TTC39B: variants seen among roughly 807,000 people sequenced by gnomAD.
The protein encoded by TTC39B is tetratricopeptide repeat domain 39B.
In TTC39B, 92 loss-of-function variants were observed where a neutral mutation model predicts 96.6. The ratio of observed to expected loss-of-function variants is 0.95; its 90% CI spans 0.80 to 1.13. The LOEUF (loss-of-function observed/expected upper bound fraction) is 1.13, where lower values mean the gene tolerates loss of function less well. Ranked by LOEUF, TTC39B falls within the 50% of genes most tolerant of loss-of-function variation. TTC39B has a pLI of 0.00. For missense variants in TTC39B, 955 were observed against 809.3 expected (o/e 1.18, Z -2.18); for synonymous variants, 367 against 299.4 (o/e 1.23, Z -2.33).
At chr9:15,214,091 CA>C in intron 4 of TTC39B, 47 bp downstream of exon 4, 1 of 1,391,368 alleles carries the variant, frequency 7.2e-7, no homozygotes, top group Non-Finnish European at 1.0e-6. Flanking sequence ...AAAGAATCAT[CA>C]GAAACATCTG....
At chr9:15,290,605 A>G (rs1379617795) in intron 1 of TTC39B, among the ~76,000 whole-genome samples, 2 of 152,202 alleles carry the variant, frequency 1.3e-5, no homozygotes, top group African/African-American at 4.8e-5. Flanking sequence ...CCTCTACTCT[A>G]TGTTTACTTT....
chr9:15,221,911 A>G (rs1820864416), intron 3 of TTC39B, among the ~76,000 whole-genome samples: 2 of 152,206 alleles, frequency 1.3e-5, no homozygotes, highest in Non-Finnish European at 2.9e-5. Flanking sequence ...ACATTGCCCA[A>G]TATGTCTCTA....
chr9:15,298,607 C>T (rs554303175), intron 1 of TTC39B, among the ~76,000 whole-genome samples: 76 of 152,254 alleles, frequency 5.0e-4, no homozygotes, highest in African/African-American at 1.8e-3. Flanking sequence ...AAAACCCACC[C>T]CCATGATTCA....
chr9:15,253,700 G>A (rs1822647857), intron 2 of TTC39B, among the ~76,000 whole-genome samples: 1 of 151,158 alleles, frequency 6.6e-6, no homozygotes, highest in African/African-American at 2.5e-5. Context: ...TCTGTTTGCA[G>A]TGTTAACCTT....
chr9:15,255,960 A>G (rs1005792340), intron 2 of TTC39B, among the ~76,000 whole-genome samples: 1 of 152,106 alleles, frequency 6.6e-6, no homozygotes, highest in African/African-American at 2.4e-5. Context: ...TTTACTGCAA[A>G]TCCTAGCAGT....
At chr9:15,202,192 G>C (rs964500806) in intron 7 of TTC39B, among the ~76,000 whole-genome samples, 10 of 152,152 alleles carry the variant, frequency 6.6e-5, no homozygotes, top group Non-Finnish European at 1.2e-4. Context: ...TCAAATCCCA[G>C]ATTTGATTGC....
intron 7 of TTC39B, among the ~76,000 whole-genome samples, chr9:15,202,076 G>T (rs1819574200): frequency 6.6e-6 from 1 of 152,162 alleles, no homozygotes; most frequent in African/African-American, 2.4e-5. Context: ...ATCTTTAAAA[G>T]GCTAAAGCAG....
intron 1 of TTC39B, among the ~76,000 whole-genome samples, chr9:15,274,532 AG>A (rs1336675719): frequency 2.6e-5 from 4 of 152,230 alleles, no homozygotes; most frequent in Admixed American, 6.5e-5. Flanking sequence ...TTAAAGGATT[AG>A]CATCAAAGCA....
intron 2 of TTC39B, among the ~76,000 whole-genome samples, chr9:15,254,298 T>C (rs769498224): frequency 7.9e-5 from 12 of 152,136 alleles, no homozygotes; most frequent in Non-Finnish European, 1.6e-4. Flanking sequence ...TTTTTTAATG[T>C]GTTCTTTTTT....
chr9:15,210,016 G>T, intron 6 of TTC39B, 72 bp downstream of exon 6: 4 of 1,079,102 alleles, frequency 3.7e-6, no homozygotes, highest in Non-Finnish European at 5.6e-6. Context: ...TATACTTCAG[G>T]ATGGAATTTT....
chr9:15,215,920 A>G (rs1169935083), intron 3 of TTC39B, among the ~76,000 whole-genome samples: 6 of 152,208 alleles, frequency 3.9e-5, no homozygotes, highest in African/African-American at 1.4e-4. Flanking sequence ...CTTGGTAAGT[A>G]TTTGAAGTTG....
chr9:15,239,869 C>T (rs1341768277), intron 2 of TTC39B, among the ~76,000 whole-genome samples: 1 of 152,070 alleles, frequency 6.6e-6, no homozygotes, highest in Non-Finnish European at 1.5e-5. Flanking sequence ...TGCAATATAC[C>T]CATGTAACAG....
intron 2 of TTC39B, among the ~76,000 whole-genome samples, chr9:15,228,347 C>T (rs531454138): frequency 9.9e-5 from 15 of 152,076 alleles, no homozygotes; most frequent in Non-Finnish European, 1.5e-4. Context: ...GCCTGTAATC[C>T]GAGCTACTCA....
chr9:15,177,866 G>GAT, intron 17 of TTC39B, 52 bp from the exon 18 acceptor site: 17 of 681,088 alleles, frequency 2.5e-5, no homozygotes, highest in Non-Finnish European at 3.7e-5. Flanking sequence ...TACTTTTTAA[G>GAT]ATCTTTTTTT....
intron 1 of TTC39B, among the ~76,000 whole-genome samples, chr9:15,288,468 G>A (rs1175636943): frequency 6.6e-6 from 1 of 152,134 alleles, no homozygotes; most frequent in Non-Finnish European, 1.5e-5. Context: ...GAGTTCAGCT[G>A]GGGATGGTTG....
intron 3 of TTC39B, among the ~76,000 whole-genome samples, chr9:15,215,756 C>G (rs1820479696): frequency 6.6e-6 from 1 of 151,816 alleles, no homozygotes; most frequent in Admixed American, 6.6e-5. Context: ...CCCAGCTACT[C>G]AGGAGGCTGA....
intron 7 of TTC39B, 120 bp from the exon 8 acceptor site, chr9:15,200,045 G>T: frequency 9.2e-6 from 5 of 544,376 alleles, no homozygotes; most frequent in South Asian, 2.9e-5. Context: ...AGTATTTTGA[G>T]GACATAATTT....
At chr9:15,286,104 CAT>C (rs1188744209) in intron 1 of TTC39B, among the ~76,000 whole-genome samples, 1 of 152,224 alleles carries the variant, frequency 6.6e-6, no homozygotes, top group Non-Finnish European at 1.5e-5. Context: ...TATCCTCTTA[CAT>C]GGCCACAGTG....
At position 15,244,982 on chromosome 9, in the gene TTC39B, T is replaced by C. The variant is rs373255483; in HGVS notation, c.276-18970A>G. Among the ~76,000 whole-genome samples, 149 of 152,348 alleles carry C rather than the reference T, an allele frequency of 9.8e-4. 1 individual carries two copies. Among genetic ancestry groups the C allele is most frequent in the African/African-American group, 2.6e-3 (109 of 41,586 alleles). The stretch of plus-strand genomic sequence containing the variant: ...CTTCCAAAAAGTCATTTTCTCAGGC[T>C]AGATAGTATGTTTCTTCTCTGGGTT... On this transcript the variant is annotated intron_variant, in intron 2 of 19. Transcript: ENST00000512701.
Sources: gnomAD v4.1 joint callset for allele counts (sites outside exome capture counted in the v4.1 genomes callset) on GRCh38, gnomAD v4.1.1 for gene constraint, MANE v1.5 for transcripts, NCBI Gene and HGNC (gene_info 2026-07-23, HGNC 2026-07-21) for gene names.